The following COL23A1 variants were observed in gnomAD, a reference collection of about 807,000 sequenced individuals.
COL23A1 encodes collagen type XXIII alpha 1 chain.
In COL23A1, 97 loss-of-function variants were observed where a neutral mutation model predicts 99.3. That is an observed-to-expected ratio of 0.98 (90% CI 0.83 to 1.16). The LOEUF (loss-of-function observed/expected upper bound fraction) is 1.16, where lower values mean the gene tolerates loss of function less well. COL23A1 is among the 50% of genes most tolerant of loss of function. The pLI is 0.00. For synonymous variants in COL23A1, 320 were observed against 308.2 expected, an observed-to-expected ratio of 1.04 and a Z score of -0.40; for missense variants, 762 against 757.4, an observed-to-expected ratio of 1.01 and a Z score of -0.07.
intron 2 of COL23A1, among the ~76,000 whole-genome samples, chr5:178,456,804 G>A (rs558581250): frequency 2.0e-5 from 3 of 152,034 alleles, no homozygotes; most frequent in East Asian, 1.9e-4. Flanking sequence ...TGCAACAAAC[G>A]TAACGAAGGA....
rs1016977513 is a variant in COL23A1, at chr5:178,310,102, A to G, written c.362-3183T>C. On this transcript the variant is annotated intron_variant, in intron 2 of 28. Coordinates refer to ENST00000390654, the MANE Select transcript of COL23A1 (RefSeq NM_173465.4). The surrounding 1 kb of genome is among the most constrained non-coding windows in gnomAD (Gnocchi z 4.3). ...GATGTGACGTGCCAGTGAGATAGGG[A>G]GTGCCTTCCACCCTTCCTTTCCCGG... 4.6e-5 allele frequency among the ~76,000 whole-genome samples: 7 copies of G among 152,194 alleles called. No homozygotes were observed. The highest frequency in any genetic ancestry group is 7.3e-5 in the Non-Finnish European group (5 of 68,028).
chr5:178,450,374 T>A (rs891071624), intron 2 of COL23A1, among the ~76,000 whole-genome samples: 2 of 152,104 alleles, frequency 1.3e-5, no homozygotes, highest in Admixed American at 1.3e-4. Flanking sequence ...GGCTCACTCT[T>A]GAGAGAAGGT....
chr5:178,501,899 C>T (rs1758556323), intron 2 of COL23A1, among the ~76,000 whole-genome samples: 1 of 152,206 alleles, frequency 6.6e-6, no homozygotes, highest in Non-Finnish European at 1.5e-5. Context: ...CTTCCACCTC[C>T]ACCCGCAGTG....
At chr5:178,247,100 A>G (rs1298758107) in intron 22 of COL23A1, among the ~76,000 whole-genome samples, 1 of 151,886 alleles carries the variant, frequency 6.6e-6, no homozygotes, top group Non-Finnish European at 1.5e-5. Flanking sequence ...GGAACACGCC[A>G]TCATGTAATA....
In COL23A1 at chr5:178,544,931, T is replaced by C. The variant is rs1379164537; in HGVS notation, c.361+15751A>G. Among the ~76,000 whole-genome samples, 1 of 151,370 alleles carries C rather than the reference T, an allele frequency of 6.6e-6. No homozygotes were observed. Among genetic ancestry groups the C allele is most frequent in the South Asian group, 2.1e-4 (1 of 4,782 alleles). ...AACAACAACAACAAAAAAAGAAAAA[T>C]TAACAAAATTTAGCCAGGTGTGGTG... On this transcript the variant is annotated intron_variant, in intron 2 of 28. Transcript: ENST00000390654. The surrounding 1 kb of genome is among the most constrained non-coding windows in gnomAD (Gnocchi z 4.4).
At chr5:178,285,850 G>C (rs1009495311) in intron 5 of COL23A1, among the ~76,000 whole-genome samples, 3 of 152,248 alleles carry the variant, frequency 2.0e-5, no homozygotes, top group Non-Finnish European at 2.9e-5. Flanking sequence ...GTCCTCCACA[G>C]GCCAAGAGAT....
chr5:178,368,577 G>A (rs1762622917), intron 2 of COL23A1, among the ~76,000 whole-genome samples: 1 of 152,194 alleles, frequency 6.6e-6, no homozygotes, highest in South Asian at 2.1e-4. Context: ...CCTAAAAGTA[G>A]TCTAAGCTCC....
chr5:178,307,374 G>A lies in COL23A1; in HGVS notation c.362-455C>T, dbSNP rs530624740. 1.6e-3 allele frequency among the ~76,000 whole-genome samples: 249 copies of A among 152,330 alleles called. 2 individuals are homozygous for A. Among genetic ancestry groups the A allele is most frequent in the African/African-American group, 5.4e-3 (224 of 41,570 alleles). On this transcript the variant is annotated intron_variant, in intron 2 of 28. Transcript: ENST00000390654. The surrounding 1 kb of genome is among the most constrained non-coding windows in gnomAD (Gnocchi z 4.2). ...ACAACAAAGCCAACACAACAAAGAGGCCATCACGGCCGCGCAGCGCCGAAA... is the reference window on the plus strand; with the variant it reads ...ACAACAAAGCCAACACAACAAAGAGACCATCACGGCCGCGCAGCGCCGAAA...
chr5:178,237,904 C>G lies in COL23A1; in HGVS notation c.*794G>C, dbSNP rs914479570. The G allele has an allele frequency of 1.3e-5, 2 of 152,384 alleles. No homozygotes were observed. Among genetic ancestry groups the G allele is most frequent in the Non-Finnish European group, 2.9e-5 (2 of 68,104 alleles). The allele number at this position is 152,384 out of a possible 1,614,324, so 9.4% of individuals were successfully genotyped here. A position where few individuals can be genotyped will look rare whatever the true frequency, so the allele number is the denominator to read the frequency against. On this transcript the variant is annotated 3_prime_UTR_variant, in exon 29 of 29. Transcript: ENST00000390654. ...AGACTCTGAGTGGGAGGCCTGCCTC[C>G]CTGGTCCAGGCCATGTCCTATCTTG...
At chr5:178,273,077 C>T (rs993232523) in intron 5 of COL23A1, among the ~76,000 whole-genome samples, 8 of 152,246 alleles carry the variant, frequency 5.3e-5, no homozygotes, top group Non-Finnish European at 1.0e-4. Flanking sequence ...TCTGGCCTCC[C>T]GGCCGCTCTC....
At chr5:178,554,097 C>T (rs570650448) in intron 2 of COL23A1, among the ~76,000 whole-genome samples, 1 of 152,176 alleles carries the variant, frequency 6.6e-6, no homozygotes, top group East Asian at 1.9e-4. Context: ...AACAGAGAAT[C>T]GGGCCACGCA....
chr5:178,468,609 C>T lies in COL23A1; in HGVS notation c.361+92073G>A, dbSNP rs1756564894. ...CACGCAGAGCAGCTTCCCCTCCCCT[C>T]GAGTCCCCCCAGGCAGCCTGGAGGG... is the stretch of plus-strand genomic sequence containing the variant. On this transcript the variant is annotated intron_variant, in intron 2 of 28. Coordinates refer to ENST00000390654, the MANE Select transcript of COL23A1 (RefSeq NM_173465.4). This position sits in a 1 kb window ranked among gnomAD's most constrained non-coding sequence, Gnocchi z 4.2. Among the ~76,000 whole-genome samples the T allele has an allele frequency of 6.6e-6, 1 of 151,764 alleles. No homozygotes were observed. Among genetic ancestry groups the T allele is most frequent in the African/African-American group, 2.4e-5 (1 of 41,130 alleles).
chr5:178,551,035 G>T (rs1488362105), intron 2 of COL23A1, among the ~76,000 whole-genome samples: 1 of 109,738 alleles, frequency 9.1e-6, no homozygotes, highest in African/African-American at 3.0e-5. Flanking sequence ...AATTCTGAGG[G>T]TCTTCCATTT....
chr5:178,319,434 G>A (rs756549694), intron 2 of COL23A1, among the ~76,000 whole-genome samples: 1 of 152,050 alleles, frequency 6.6e-6, no homozygotes, highest in Non-Finnish European at 1.5e-5. Flanking sequence ...ATTCGTGTGA[G>A]CTTTGATTTT....
intron 2 of COL23A1, among the ~76,000 whole-genome samples, chr5:178,320,876 G>T (rs1232582789): frequency 6.6e-6 from 1 of 152,190 alleles, no homozygotes; most frequent in Non-Finnish European, 1.5e-5. Context: ...GGGCCTGGAG[G>T]TCGCATGGGC....
intron 2 of COL23A1, among the ~76,000 whole-genome samples, chr5:178,341,818 C>G (rs1760682700): frequency 2.6e-5 from 4 of 152,154 alleles, no homozygotes; most frequent in Admixed American, 2.6e-4. Context: ...AGGACCTGAC[C>G]CTTGGCTCTT....
intron 5 of COL23A1, among the ~76,000 whole-genome samples, chr5:178,271,808 T>C (rs1324839330): frequency 6.6e-6 from 1 of 152,106 alleles, no homozygotes; most frequent in East Asian, 1.9e-4. Context: ...AACAAGTGTG[T>C]GTGTGGGGGC....
chr5:178,516,280 G>T (rs1371687605), intron 2 of COL23A1, among the ~76,000 whole-genome samples: 1 of 152,176 alleles, frequency 6.6e-6, no homozygotes, highest in Non-Finnish European at 1.5e-5. Flanking sequence ...TGCGTCTCTG[G>T]TACCCAGAGG....
chr5:178,454,903 C>T lies in COL23A1; in HGVS notation c.361+105779G>A, dbSNP rs541340170. Among the ~76,000 whole-genome samples the T allele has an allele frequency of 1.1e-4, 17 of 152,360 alleles. No homozygotes were observed. In the South Asian group the frequency reaches 1.7e-3, roughly 15 times the overall value. On this transcript the variant is annotated intron_variant, in intron 2 of 28. Coordinates refer to ENST00000390654, the MANE Select transcript of COL23A1 (RefSeq NM_173465.4). ...AGGCTGGAAGCCGGAGTCAAGGTGT[C>T]GGCTGGGCCTGCTCCCTCTGAGCCC...
Sources: allele counts gnomAD v4.1 joint callset (sites outside exome capture counted in the v4.1 genomes callset), GRCh38; gene constraint gnomAD v4.1.1; non-coding constraint Gnocchi (gnomAD v3.1); transcripts MANE v1.5; gene names NCBI Gene and HGNC (gene_info 2026-07-23, HGNC 2026-07-21).